Variants in RELL1 observed in about 807,000 individuals in gnomAD.
RELL1 encodes RELT like 1.
In RELL1, 10 loss-of-function variants were observed where a neutral mutation model predicts 23.0. The ratio of observed to expected loss-of-function variants is 0.43; its 90% CI spans 0.27 to 0.74. RELL1 has a LOEUF of 0.74. Among genes scored for constraint, RELL1 ranks in the 30% least tolerant of loss-of-function variants. The probability of loss-of-function intolerance (pLI) is 0.19; values close to 1 mark genes in which losing one functional copy is unlikely to be tolerated. For missense variants in RELL1, 315 were observed against 364.4 expected, an observed-to-expected ratio of 0.86 and a Z score of 1.10; for synonymous variants, 146 against 146.8, an observed-to-expected ratio of 0.99 and a Z score of 0.04.
intron 4 of RELL1, among the ~76,000 whole-genome samples, chr4:37,636,542 C>A (rs1049699485): frequency 1.3e-5 from 2 of 151,304 alleles, no homozygotes; most frequent in South Asian, 2.1e-4. Flanking sequence ...TTGCAGTGAG[C>A]CTAGATCGCG....
At chr4:37,605,817 A>AAG (rs1719186804), downstream of RELL1, among the ~76,000 whole-genome samples, 1 of 121,276 alleles carries the variant, frequency 8.2e-6, no homozygotes, top group Non-Finnish European at 2.0e-5. Context: ...GAAAGAAAGA[A>AAG]AGAAAGAAAG....
At chr4:37,639,723 T>G (rs1484266308) in intron 3 of RELL1, among the ~76,000 whole-genome samples, 1 of 152,236 alleles carries the variant, frequency 6.6e-6, no homozygotes, top group Non-Finnish European at 1.5e-5. Flanking sequence ...TCAATTGATT[T>G]CTGAAGCACT....
At chr4:37,681,729 A>T (rs1294239376) in intron 1 of RELL1, among the ~76,000 whole-genome samples, 1 of 152,182 alleles carries the variant, frequency 6.6e-6, no homozygotes, top group East Asian at 1.9e-4. Context: ...GGGTTTCACC[A>T]TATTGGCCAG....
At chr4:37,621,442 C>A (rs531818127) in intron 6 of RELL1, among the ~76,000 whole-genome samples, 1 of 151,564 alleles carries the variant, frequency 6.6e-6, no homozygotes, top group South Asian at 2.1e-4. Flanking sequence ...GGGGACAGAG[C>A]AAGACTCCAT....
chr4:37,625,400 G>A (rs993532737), intron 6 of RELL1, among the ~76,000 whole-genome samples: 3 of 152,106 alleles, frequency 2.0e-5, no homozygotes, highest in Non-Finnish European at 2.9e-5. Context: ...GCAGAGCAAA[G>A]CAATCAACAG....
intron 6 of RELL1, among the ~76,000 whole-genome samples, chr4:37,604,822 G>GACACACACACACAC (rs1719121130): frequency 1.3e-4 from 5 of 39,552 alleles, no homozygotes; most frequent in South Asian, 1.2e-3. Flanking sequence ...CACACACACA[G>GACACACACACACAC]ACACACACAT....
chr4:37,659,927 AC>A (rs1354338052), intron 1 of RELL1, among the ~76,000 whole-genome samples: 1 of 152,146 alleles, frequency 6.6e-6, no homozygotes, highest in Non-Finnish European at 1.5e-5. Context: ...TCCTCTCCTT[AC>A]CAGGAAAGGG....
rs771257596 is a variant in RELL1 at position 37,686,316 on chromosome 4, G to A, written c.-29C>T. On this transcript the variant is annotated 5_prime_UTR_variant, in exon 1 of 7. Coordinates refer to ENST00000454158, the MANE Select transcript of RELL1 (RefSeq NM_001085400.2). ...CGCGTCGCTTCGCCCTCCTCCCCCA[G>A]GGCGCCGCGTCCCGCGCTCGGGAAG... The A allele has an allele frequency of 6.8e-7, 1 of 1,469,812 alleles. No individual in the cohort carries two copies. The highest frequency in any genetic ancestry group is 9.0e-7 in the Non-Finnish European group (1 of 1,113,688). The allele number at this position is 1,469,812 out of a possible 1,614,324, so 91.0% of individuals were successfully genotyped here.
At chr4:37,588,577 A>G (rs1414790033), downstream of RELL1, 5 of 375,674 alleles carry the variant, frequency 1.3e-5, no homozygotes. Context: ...CATCTGCAAA[A>G]TGGGGATGAA....
chr4:37,596,406 G>C (rs1201314073), intron 6 of RELL1, among the ~76,000 whole-genome samples: 2 of 150,288 alleles, frequency 1.3e-5, no homozygotes, highest in Non-Finnish European at 2.9e-5. Flanking sequence ...GTAATTCTCC[G>C]CACTTGGAGA....
At chr4:37,676,018 A>G (rs757905763) in intron 1 of RELL1, among the ~76,000 whole-genome samples, 2 of 152,170 alleles carry the variant, frequency 1.3e-5, no homozygotes, top group African/African-American at 2.4e-5. Flanking sequence ...GGTGACCACA[A>G]GTTCTTTCCA....
chr4:37,659,960 G>T (rs1419703410), intron 1 of RELL1, among the ~76,000 whole-genome samples: 1 of 152,160 alleles, frequency 6.6e-6, no homozygotes, highest in Admixed American at 6.5e-5. Flanking sequence ...AGAAGCTAGG[G>T]TTTCCTGGCA....
intron 1 of RELL1, among the ~76,000 whole-genome samples, chr4:37,678,185 A>T (rs1211313333): frequency 2.0e-5 from 3 of 152,034 alleles, no homozygotes; most frequent in African/African-American, 7.3e-5. Flanking sequence ...GAGGTACCAC[A>T]CACTTTTAAA....
intron 1 of RELL1, among the ~76,000 whole-genome samples, chr4:37,677,031 T>C (rs1034255343): frequency 6.6e-6 from 1 of 152,178 alleles, no homozygotes; most frequent in African/African-American, 2.4e-5. Flanking sequence ...AGTTTCCCCA[T>C]CTGCAAAGAG....
intron 1 of RELL1, among the ~76,000 whole-genome samples, chr4:37,668,937 T>A (rs1266570062): frequency 6.7e-6 from 1 of 150,000 alleles, no homozygotes; most frequent in East Asian, 2.0e-4. Context: ...ACCCTCTGCC[T>A]GGCAACCGCC....
chr4:37,596,724 ATATATATATATATTTTTTTTTTTTTTTT>A (rs1283849918), intron 6 of RELL1, among the ~76,000 whole-genome samples: 1 of 12,112 alleles, frequency 8.3e-5, no homozygotes, highest in African/African-American at 2.1e-4. Context: ...ATATATATAT[ATATATATATATATTTTTTTTTTTTTTTT>A]TTTTTTTTTT....
chr4:37,593,992 A>G (rs1012197558), intron 6 of RELL1, among the ~76,000 whole-genome samples: 1 of 152,220 alleles, frequency 6.6e-6, no homozygotes, highest in African/African-American at 2.4e-5. Context: ...TCGCATTTAT[A>G]TATGTATATA....
chr4:37,628,035 G>T (rs1171770247), intron 6 of RELL1, among the ~76,000 whole-genome samples: 1 of 151,988 alleles, frequency 6.6e-6, no homozygotes, highest in Non-Finnish European at 1.5e-5. Flanking sequence ...TTTTTTTGGG[G>T]GGATGAGATT....
chr4:37,601,111 C>G (rs1235297062), intron 6 of RELL1, among the ~76,000 whole-genome samples: 2 of 152,214 alleles, frequency 1.3e-5, no homozygotes, highest in African/African-American at 4.8e-5. Flanking sequence ...GAAAGTCATT[C>G]TTTCCAATAA....
Sources: allele counts gnomAD v4.1 joint callset (sites outside exome capture counted in the v4.1 genomes callset), GRCh38; gene constraint gnomAD v4.1.1; transcripts MANE v1.5; gene names NCBI Gene and HGNC (gene_info 2026-07-23, HGNC 2026-07-21).